PDZD2: variants seen among roughly 807,000 people sequenced by gnomAD.
PDZD2 encodes PDZ domain containing 2, also known as PDZ domain-containing protein 2.
Under a neutral mutation model 220.7 loss-of-function variants are expected in PDZD2, and 90 were observed. The ratio of observed to expected loss-of-function variants is 0.41; its 90% CI spans 0.34 to 0.49. PDZD2 has a LOEUF of 0.49. Ranked by LOEUF, PDZD2 falls within the 20% of genes least tolerant of loss-of-function variation. The probability of loss-of-function intolerance (pLI) is 0.28; values close to 1 mark genes in which losing one functional copy is unlikely to be tolerated. For missense variants in PDZD2, 3,174 were observed against 3,608.5 expected, an observed-to-expected ratio of 0.88 and a Z score of 3.08; for synonymous variants, 1,375 against 1,450.5, an observed-to-expected ratio of 0.95 and a Z score of 1.18.
chr5:32,036,490 TGGG>T (rs1755567437), intron 6 of PDZD2, among the ~76,000 whole-genome samples: 1 of 152,136 alleles, frequency 6.6e-6, no homozygotes, highest in South Asian at 2.1e-4. Flanking sequence ...CTCTAGTAAA[TGGG>T]GGTTTTGTTT....
intron 1 of PDZD2, among the ~76,000 whole-genome samples, chr5:31,700,821 C>T (rs892914393): frequency 6.6e-6 from 1 of 152,216 alleles, no homozygotes; most frequent in African/African-American, 2.4e-5. Flanking sequence ...CCCAGGAAAC[C>T]TTTCAGACCT....
intron 6 of PDZD2, among the ~76,000 whole-genome samples, chr5:32,029,100 A>G (rs1327501085): frequency 1.3e-5 from 2 of 152,164 alleles, no homozygotes; most frequent in Non-Finnish European, 2.9e-5. Context: ...AGTTTTTTCC[A>G]GCTCCAAGAA....
chr5:31,898,925 A>T (rs7730237), intron 2 of PDZD2, among the ~76,000 whole-genome samples: 84,640 of 149,020 alleles, frequency 0.57, 26,229 homozygotes, highest in Middle Eastern at 0.73. Context: ...CCTCCTGGGT[A>T]CACGCCATTC....
At chr5:31,641,545 A>G (rs1418753798) in intron 1 of PDZD2, among the ~76,000 whole-genome samples, 2 of 142,638 alleles carry the variant, frequency 1.4e-5, no homozygotes, top group Admixed American at 1.4e-4. Context: ...GATGTGTGAG[A>G]TATTTTTTTT....
intron 2 of PDZD2, among the ~76,000 whole-genome samples, chr5:31,906,345 C>A (rs1219670327): frequency 3.3e-5 from 5 of 150,742 alleles, no homozygotes; most frequent in African/African-American, 4.9e-5. Context: ...TAACCCTGAC[C>A]TCCCCAGGCT....
intron 1 of PDZD2, among the ~76,000 whole-genome samples, chr5:31,666,854 T>C (rs1746007300): frequency 6.6e-6 from 1 of 152,160 alleles, no homozygotes; most frequent in South Asian, 2.1e-4. Flanking sequence ...ACCCTCAGAC[T>C]CTCAGCCTGT....
At chr5:31,991,841 C>G (rs754916458) in intron 3 of PDZD2, among the ~76,000 whole-genome samples, 1 of 152,140 alleles carries the variant, frequency 6.6e-6, no homozygotes, top group Non-Finnish European at 1.5e-5. Context: ...CCAGCCTGGC[C>G]AATATGGTGA....
rs768388112 is a variant in PDZD2 at position 31,799,082 on chromosome 5, G to T, written c.-167G>T. On this transcript the variant is annotated 5_prime_UTR_variant, in exon 2 of 25. Coordinates refer to ENST00000438447, the MANE Select transcript of PDZD2 (RefSeq NM_178140.4). ...TGGGTCCTAGCTTCCTCCTGCCAAG[G>T]CAAACAGCATAGTCTCGAGTAGGTG... 2.3e-4 allele frequency: 134 copies of T among 583,278 alleles called. No homozygotes were observed. Among genetic ancestry groups the T allele is most frequent in the South Asian group, 8.4e-4 (37 of 43,960 alleles). The allele number at this position is 583,278 out of a possible 1,614,324, so 36.1% of individuals were successfully genotyped here.
chr5:31,707,299 TAATA>T (rs60289084), intron 1 of PDZD2, among the ~76,000 whole-genome samples: 117 of 149,534 alleles, frequency 7.8e-4, no homozygotes, highest in Admixed American at 3.1e-3. Context: ...ACTTAAAGTT[TAATA>T]AATAAATTAA....
chr5:32,091,907 G>C (rs1007060143), intron 20 of PDZD2, among the ~76,000 whole-genome samples: 2 of 152,172 alleles, frequency 1.3e-5, no homozygotes, highest in Non-Finnish European at 2.9e-5. Flanking sequence ...GAGGAAGAGA[G>C]AGCACAGCAC....
At chr5:31,797,204 A>G (rs1375657289) in intron 1 of PDZD2, among the ~76,000 whole-genome samples, 4 of 148,050 alleles carry the variant, frequency 2.7e-5, no homozygotes, top group African/African-American at 1.0e-4. Context: ...CGGCCTCCCA[A>G]AGTGCTGGGA....
chr5:32,020,964 G>A (rs1754151408), intron 6 of PDZD2, among the ~76,000 whole-genome samples: 2 of 151,698 alleles, frequency 1.3e-5, no homozygotes, highest in African/African-American at 2.4e-5. Flanking sequence ...GATCTTCGAC[G>A]ATGCATAGAT....
intron 7 of PDZD2, among the ~76,000 whole-genome samples, chr5:32,044,368 C>T (rs1737726595): frequency 6.6e-6 from 1 of 151,960 alleles, no homozygotes; most frequent in African/African-American, 2.4e-5. Context: ...CTTATAGTCC[C>T]AGTGGGAGGT....
chr5:31,884,838 T>C (rs1740297507), intron 2 of PDZD2, among the ~76,000 whole-genome samples: 4 of 152,084 alleles, frequency 2.6e-5, no homozygotes, highest in Admixed American at 2.6e-4. Flanking sequence ...AGATAGAGTT[T>C]TGCCATGTTG....
In PDZD2 at chr5:32,071,340, G is replaced by A. The variant is rs747498563; in HGVS notation, c.2534-44G>A. On this transcript the variant is annotated intron_variant, in intron 15 of 24. Transcript: ENST00000438447. ...AAGGATGTGAGCCTATTTGTGACTT[G>A]AGCTTTATTGTTTTGACAATATGGT... 2.1e-6 allele frequency: 3 copies of A among 1,412,078 alleles called. No individual in the cohort carries two copies. In the Admixed American group the frequency reaches 5.0e-5, roughly 24 times the overall value. The allele number at this position is 1,412,078 out of a possible 1,614,324, so 87.5% of individuals were successfully genotyped here.
At chr5:31,888,794 G>A (rs1485393497) in intron 2 of PDZD2, among the ~76,000 whole-genome samples, 3 of 152,134 alleles carry the variant, frequency 2.0e-5, no homozygotes, top group African/African-American at 7.2e-5. Flanking sequence ...GGAAATCTTT[G>A]ATAAATGCTC....
At chr5:31,653,291 C>CTA (rs1745420242) in intron 1 of PDZD2, among the ~76,000 whole-genome samples, 1 of 152,096 alleles carries the variant, frequency 6.6e-6, no homozygotes, top group African/African-American at 2.4e-5. Context: ...CAGGCACAGA[C>CTA]TATATCCTGT....
At chr5:31,985,764 A>G (rs1287995414) in intron 3 of PDZD2, among the ~76,000 whole-genome samples, 1 of 152,182 alleles carries the variant, frequency 6.6e-6, no homozygotes, top group Non-Finnish European at 1.5e-5. Flanking sequence ...TAATAATACT[A>G]TTAATAATAA....
chr5:31,759,171 T>C (rs950665798), intron 1 of PDZD2, among the ~76,000 whole-genome samples: 5 of 151,918 alleles, frequency 3.3e-5, no homozygotes, highest in African/African-American at 1.2e-4. Context: ...CCATTGTTGT[T>C]ATTTCTGGGA....
Sources: gnomAD v4.1 joint callset for allele counts (sites outside exome capture counted in the v4.1 genomes callset) on GRCh38, gnomAD v4.1.1 for gene constraint, MANE v1.5 for transcripts, NCBI Gene and HGNC (gene_info 2026-07-23, HGNC 2026-07-21) for gene names.